Variants in MAP4 observed in about 807,000 individuals in gnomAD.
The protein encoded by MAP4 is microtubule-associated protein 4.
Under a neutral mutation model 170.2 loss-of-function variants are expected in MAP4, and 76 were observed. The ratio of observed to expected loss-of-function variants is 0.45; its 90% CI spans 0.37 to 0.54. The LOEUF (loss-of-function observed/expected upper bound fraction) is 0.54, where lower values mean the gene tolerates loss of function less well. Among genes scored for constraint, MAP4 ranks in the 20% least tolerant of loss-of-function variants. MAP4 has a pLI of 0.00. For missense variants in MAP4, 2,506 were observed against 2,748.0 expected, an observed-to-expected ratio of 0.91 and a Z score of 1.97; for synonymous variants, 909 against 994.5, an observed-to-expected ratio of 0.91 and a Z score of 1.62.
chr3:48,065,159 A>T (rs995137890), intron 1 of MAP4, among the ~76,000 whole-genome samples: 1 of 152,168 alleles, frequency 6.6e-6, no homozygotes, highest in African/African-American at 2.4e-5. Context: ...ATTAATTTTA[A>T]AAAAGAACCT....
intron 10 of MAP4, among the ~76,000 whole-genome samples, chr3:47,897,786 C>CA (rs1330302707): frequency 6.6e-6 from 1 of 151,150 alleles, no homozygotes; most frequent in Non-Finnish European, 1.5e-5. Flanking sequence ...AAAAAAGATA[C>CA]AAAAAATTAG....
intron 2 of MAP4, among the ~76,000 whole-genome samples, chr3:47,995,336 C>T (rs537086182): frequency 4.0e-5 from 6 of 151,322 alleles, no homozygotes; most frequent in East Asian, 1.9e-4. Context: ...CTGCCACCTC[C>T]GCCTCCCAGG....
chr3:48,025,459 T>C (rs2100112558), intron 1 of MAP4, among the ~76,000 whole-genome samples: 1 of 151,866 alleles, frequency 6.6e-6, no homozygotes, highest in African/African-American at 2.4e-5. Flanking sequence ...CAGCTAATTT[T>C]TGTATTATTA....
chr3:47,936,244 A>C (rs2153941289), intron 3 of MAP4, among the ~76,000 whole-genome samples: 1 of 151,920 alleles, frequency 6.6e-6, no homozygotes, highest in East Asian at 2.0e-4. Context: ...CACCAGCCCG[A>C]CCAACGTGGT....
At chr3:47,942,441 C>A (rs2100057124) in intron 3 of MAP4, among the ~76,000 whole-genome samples, 1 of 151,974 alleles carries the variant, frequency 6.6e-6, no homozygotes, top group African/African-American at 2.4e-5. Context: ...AGTGCAGTAG[C>A]TATTCACAGG....
intron 10 of MAP4, 71 bp from the exon 11 acceptor site, chr3:47,877,594 T>A: frequency 1.9e-6 from 2 of 1,069,326 alleles, no homozygotes; most frequent in Admixed American, 2.2e-5. Context: ...AATACAAGGT[T>A]TAGCAAAGAC....
intron 2 of MAP4, among the ~76,000 whole-genome samples, chr3:47,989,172 A>C (rs1387975376): frequency 1.3e-5 from 2 of 152,228 alleles, no homozygotes; most frequent in Non-Finnish European, 2.9e-5. Flanking sequence ...GCACTTTGGG[A>C]GGCCTAGGCG....
intron 1 of MAP4, among the ~76,000 whole-genome samples, chr3:48,053,073 G>A (rs557520404): frequency 1.2e-4 from 19 of 152,200 alleles, no homozygotes; most frequent in African/African-American, 4.3e-4. Context: ...CATTCATTAA[G>A]TGGTTTTATA....
intron 1 of MAP4, among the ~76,000 whole-genome samples, chr3:48,049,936 T>C (rs1311090450): frequency 6.6e-6 from 1 of 150,544 alleles, no homozygotes; most frequent in Non-Finnish European, 1.5e-5. Context: ...AGACTTCGTC[T>C]GGGAAAAAAA....
intron 2 of MAP4, among the ~76,000 whole-genome samples, chr3:47,995,250 CTTTT>C (rs67017707): frequency 3.6e-5 from 4 of 112,220 alleles, no homozygotes; most frequent in African/African-American, 3.2e-5. Context: ...TTTTTCTTTT[CTTTT>C]TTTTTTTTTT....
At chr3:47,939,682 C>T (rs541762985) in intron 3 of MAP4, among the ~76,000 whole-genome samples, 1 of 150,442 alleles carries the variant, frequency 6.6e-6, no homozygotes, top group South Asian at 2.1e-4. Flanking sequence ...ATATTTCTTA[C>T]TCATGGTAAG....
intron 9 of MAP4, among the ~76,000 whole-genome samples, chr3:47,908,583 CCA>C (rs2100034369): frequency 6.6e-6 from 1 of 151,994 alleles, no homozygotes; most frequent in African/African-American, 2.4e-5. Flanking sequence ...ATATTTAGTC[CCA>C]CCAGCACAAG....
chr3:47,912,559 A>G (rs1333140174), intron 8 of MAP4, 138 bp from the exon 9 acceptor site: 2 of 638,924 alleles, frequency 3.1e-6, no homozygotes, highest in Non-Finnish European at 4.7e-6. Context: ...TACTTACTGT[A>G]ATTTGCTCAG....
At chr3:47,993,935 CA>C (rs2100093875) in intron 2 of MAP4, among the ~76,000 whole-genome samples, 1 of 152,306 alleles carries the variant, frequency 6.6e-6, no homozygotes, top group South Asian at 2.1e-4. Context: ...TCCACCAGGA[CA>C]ATGCTCCTGT....
intron 1 of MAP4, among the ~76,000 whole-genome samples, chr3:48,011,580 A>G (rs1157655292): frequency 1.3e-5 from 2 of 151,784 alleles, no homozygotes; most frequent in Non-Finnish European, 2.9e-5. Context: ...TTCCTATAGT[A>G]GTAGTGGCAC....
rs1382978121 is a variant in MAP4 at position 47,911,995 on chromosome 3, G to A, written c.2426C>T (p.Ser809Leu). 1 of 1,536,086 alleles carries A rather than the reference G, an allele frequency of 6.5e-7. No individual in the cohort carries two copies. Among genetic ancestry groups the A allele is most frequent in the East Asian group, 2.4e-5 (1 of 40,928 alleles). Residue 809 changes from serine to leucine, a missense_variant, in exon 9 of 21, where the codon TCA becomes TTA. Ser to Leu is a moderately radical substitution (Grantham distance 145). Coordinates refer to ENST00000683076, the MANE Select transcript of MAP4 (RefSeq NM_001385682.1). This position sits in a 1 kb window ranked among gnomAD's most constrained non-coding sequence, Gnocchi z 4.0. ...GGTAGGCTGGCTGGGGAGAACACCT[G>A]ATTTTTGTGTGTCAGCTGCAAATGG... Reference protein sequence around the residue: ...GHPFAADTQKSGVLPSQPTTM... With the variant: ...GHPFAADTQKLGVLPSQPTTM...
At chr3:47,882,293 AT>A (rs1405477368) in intron 10 of MAP4, among the ~76,000 whole-genome samples, 1 of 152,216 alleles carries the variant, frequency 6.6e-6, no homozygotes, top group African/African-American at 2.4e-5. Context: ...AAATAAAAAA[AT>A]AAATGAAATA....
chr3:48,017,597 C>G (rs78533194), upstream of MAP4, among the ~76,000 whole-genome samples: 167 of 151,988 alleles, frequency 1.1e-3, no homozygotes, highest in East Asian at 0.024. Flanking sequence ...TAGGGTCTCC[C>G]TACAATTTAG....
chr3:48,045,258 CAA>C (rs34377968), intron 1 of MAP4, among the ~76,000 whole-genome samples: 10 of 102,148 alleles, frequency 9.8e-5, no homozygotes, highest in African/African-American at 1.2e-4. Context: ...GACTCAGTCT[CAA>C]AAAAAAAAAA....
Sources: allele counts gnomAD v4.1 joint callset (sites outside exome capture counted in the v4.1 genomes callset), GRCh38; gene constraint gnomAD v4.1.1; non-coding constraint Gnocchi (gnomAD v3.1); transcripts MANE v1.5; gene names NCBI Gene and HGNC (gene_info 2026-07-23, HGNC 2026-07-21).